RUNDC3B: variants seen among roughly 807,000 people sequenced by gnomAD.
RUNDC3B encodes RUN domain-containing protein 3B.
In RUNDC3B, 33 loss-of-function variants were observed where a neutral mutation model predicts 58.4. That is an observed-to-expected ratio of 0.56 (90% CI 0.43 to 0.75). The LOEUF (loss-of-function observed/expected upper bound fraction) is 0.75, where lower values mean the gene tolerates loss of function less well. RUNDC3B is among the 30% of genes least tolerant of loss of function. The probability of loss-of-function intolerance (pLI) is 0.00; values close to 1 mark genes in which losing one functional copy is unlikely to be tolerated. For missense variants in RUNDC3B, 501 were observed against 535.7 expected, an observed-to-expected ratio of 0.94 and a Z score of 0.64; for synonymous variants, 193 against 195.2, an observed-to-expected ratio of 0.99 and a Z score of 0.10.
chr7:87,821,002 C>T (rs2130961127), intron 10 of RUNDC3B, among the ~76,000 whole-genome samples: 1 of 149,750 alleles, frequency 6.7e-6, no homozygotes, highest in Middle Eastern at 3.5e-3. Flanking sequence ...CCCTCTCTCA[C>T]CACTCCTATT....
intron 10 of RUNDC3B, among the ~76,000 whole-genome samples, chr7:87,820,605 A>C (rs1420276763): frequency 6.6e-6 from 1 of 152,236 alleles, no homozygotes. Context: ...TTCTAGACCA[A>C]TATCCTTGAT....
In RUNDC3B at chr7:87,807,458, G is replaced by C. The variant is rs1214160330; in HGVS notation, c.1042G>C (p.Asp348His). 1 of 1,613,620 alleles carries C rather than the reference G, an allele frequency of 6.2e-7. No homozygotes were observed. Among genetic ancestry groups the C allele is most frequent in the African/African-American group, 1.3e-5 (1 of 75,014 alleles). Residue 348 changes from aspartate (D) to histidine (H), a missense_variant, in exon 9 of 11, where the codon GAT (aspartate) becomes CAT (histidine). Physicochemically the swap from Asp to His is moderately conservative, Grantham distance 81 (BLOSUM62 -1). Coordinates refer to ENST00000394654, the MANE Select transcript of RUNDC3B (RefSeq NM_001134405.2). The part of the protein sequence containing the change: ...TNQWPSPGAL[D>H]VNAVALDTLL... ...CCAGTGGCCTTCTCCAGGAGCTCTGGATGTCAATGCTGTTGCCTTGGATAC... is the reference window on the plus strand; with the variant it reads ...CCAGTGGCCTTCTCCAGGAGCTCTGCATGTCAATGCTGTTGCCTTGGATAC...
intron 8 of RUNDC3B, among the ~76,000 whole-genome samples, chr7:87,799,677 AAG>A (rs1415076035): frequency 1.3e-5 from 2 of 152,196 alleles, no homozygotes; most frequent in East Asian, 3.9e-4. Flanking sequence ...TCACGAGGTC[AAG>A]AGATCAAGAC....
chr7:87,810,637 G>A (rs538373455), intron 9 of RUNDC3B, among the ~76,000 whole-genome samples: 4 of 152,234 alleles, frequency 2.6e-5, no homozygotes, highest in Non-Finnish European at 4.4e-5. Context: ...CCTACTCATG[G>A]AAATGGATCC....
chr7:87,786,892 A>C (rs1835252853), intron 8 of RUNDC3B, among the ~76,000 whole-genome samples: 1 of 152,170 alleles, frequency 6.6e-6, no homozygotes, highest in African/African-American at 2.4e-5. Context: ...GGAAGCTTTC[A>C]GTTGTCTTTA....
At chr7:87,811,759 A>C (rs1836729332) in intron 9 of RUNDC3B, among the ~76,000 whole-genome samples, 1 of 152,166 alleles carries the variant, frequency 6.6e-6, no homozygotes, top group African/African-American at 2.4e-5. Context: ...ATCTTTTACA[A>C]CTTGTAAACT....
intron 2 of RUNDC3B, among the ~76,000 whole-genome samples, chr7:87,687,893 A>T: frequency 6.6e-6 from 1 of 152,330 alleles, no homozygotes; most frequent in East Asian, 1.9e-4. Context: ...ACAATGGATA[A>T]TCATAAACCT....
intron 3 of RUNDC3B, among the ~76,000 whole-genome samples, chr7:87,703,915 T>TTTTTTTTTTTTG (rs1829352011): frequency 1.6e-4 from 3 of 18,530 alleles, no homozygotes; most frequent in Non-Finnish European, 3.3e-4. Flanking sequence ...TTTTTTTTGG[T>TTTTTTTTTTTTG]TTTTTTTTTT....
chr7:87,698,787 A>G (rs1828741307), intron 2 of RUNDC3B, among the ~76,000 whole-genome samples: 1 of 152,208 alleles, frequency 6.6e-6, no homozygotes, highest in Admixed American at 6.5e-5. Context: ...GTAAAGAAAT[A>G]CTTTTGAGGA....
intron 8 of RUNDC3B, among the ~76,000 whole-genome samples, chr7:87,794,515 A>G (rs964631267): frequency 3.0e-4 from 46 of 152,078 alleles, no homozygotes; most frequent in Admixed American, 1.4e-3. Flanking sequence ...AAGATATTCC[A>G]TGTTCATGGA....
chr7:87,728,543 C>T (rs959644665), intron 4 of RUNDC3B, among the ~76,000 whole-genome samples: 2 of 152,172 alleles, frequency 1.3e-5, no homozygotes, highest in Non-Finnish European at 2.9e-5. Context: ...AAGATGTATG[C>T]ATTACTTGGC....
intron 3 of RUNDC3B, among the ~76,000 whole-genome samples, chr7:87,704,439 A>G (rs1829415130): frequency 6.6e-6 from 1 of 152,232 alleles, no homozygotes; most frequent in African/African-American, 2.4e-5. Context: ...GGGAGGATAT[A>G]TTTATAAAAC....
chr7:87,802,501 A>G (rs1232326550), intron 8 of RUNDC3B, among the ~76,000 whole-genome samples: 1 of 152,212 alleles, frequency 6.6e-6, no homozygotes, highest in African/African-American at 2.4e-5. Context: ...AGTGTTTGCT[A>G]GCACAACAGA....
chr7:87,700,860 G>C (rs568519368), intron 3 of RUNDC3B, among the ~76,000 whole-genome samples: 1 of 152,276 alleles, frequency 6.6e-6, no homozygotes, highest in African/African-American at 2.4e-5. Flanking sequence ...CACTGCCAAT[G>C]CAGACACAAT....
intron 4 of RUNDC3B, among the ~76,000 whole-genome samples, chr7:87,710,990 TTTTTC>T (rs1830024172): frequency 6.6e-6 from 1 of 152,156 alleles, no homozygotes; most frequent in Admixed American, 6.5e-5. Flanking sequence ...AATAGCATCT[TTTTTC>T]TTTTCACCTC....
intron 3 of RUNDC3B, among the ~76,000 whole-genome samples, chr7:87,702,168 A>AAAAAAAAAAAAAC (rs1345954938): frequency 6.7e-6 from 1 of 150,124 alleles, no homozygotes; most frequent in African/African-American, 2.4e-5. Context: ...AAAAAAAAAA[A>AAAAAAAAAAAAAC]AAAACAGAGA....
chr7:87,829,025 G>A (rs1837989057), intron 10 of RUNDC3B, among the ~76,000 whole-genome samples: 1 of 152,110 alleles, frequency 6.6e-6, no homozygotes, highest in Non-Finnish European at 1.5e-5. Flanking sequence ...TGACTGGTGT[G>A]AGATGGTATC....
chr7:87,679,249 C>G (rs538905793), intron 2 of RUNDC3B, among the ~76,000 whole-genome samples: 1 of 149,138 alleles, frequency 6.7e-6, no homozygotes, highest in Non-Finnish European at 1.5e-5. Context: ...CCCGCCACCA[C>G]GCCCGGGTAA....
intron 9 of RUNDC3B, among the ~76,000 whole-genome samples, chr7:87,811,497 C>T (rs1279442325): frequency 1.3e-5 from 2 of 152,042 alleles, no homozygotes; most frequent in African/African-American, 2.4e-5. Flanking sequence ...CCATACCCAG[C>T]TAATTTTTTT....
Sources: gnomAD v4.1 joint callset for allele counts (sites outside exome capture counted in the v4.1 genomes callset) on GRCh38, gnomAD v4.1.1 for gene constraint, MANE v1.5 for transcripts, NCBI Gene and HGNC (gene_info 2026-07-23, HGNC 2026-07-21) for gene names.